Variants in MYBL2 observed in about 807,000 individuals in gnomAD.
MYBL2 encodes the protein myb-related protein B.
MYBL2 carries 28 observed loss-of-function variants against 79.9 expected under a neutral mutation model. The ratio of observed to expected loss-of-function variants is 0.35; its 90% CI spans 0.26 to 0.48. The LOEUF is 0.48. MYBL2 is among the 20% of genes least tolerant of loss of function. The pLI is 0.99. For synonymous variants in MYBL2, 378 were observed against 361.2 expected (o/e 1.05, Z -0.53); for missense variants, 735 against 893.9 (o/e 0.82, Z 2.27).
At chr20:43,681,256 G>A (rs903183336) in intron 2 of MYBL2, among the ~76,000 whole-genome samples, 3 of 152,020 alleles carry the variant, frequency 2.0e-5, no homozygotes, top group East Asian at 1.9e-4. Context: ...ATGTCCGCTC[G>A]GCTCCCTTCC....
At chr20:43,670,866 C>T (rs1256166406) in intron 1 of MYBL2, among the ~76,000 whole-genome samples, 1 of 152,172 alleles carries the variant, frequency 6.6e-6, no homozygotes, top group Non-Finnish European at 1.5e-5. Context: ...ACCTGACCAA[C>T]GTGACCTGAT....
intron 1 of MYBL2, chr20:43,673,589 A>T: frequency 1.6e-6 from 1 of 625,400 alleles, no homozygotes; most frequent in Admixed American, 2.1e-5. Flanking sequence ...GTGAGCTACG[A>T]TCATGCCACA....
chr20:43,716,137 G>A lies in MYBL2; in HGVS notation c.*50G>A. On this transcript the variant is annotated 3_prime_UTR_variant, in exon 14 of 14. Coordinates refer to ENST00000217026, the MANE Select transcript of MYBL2 (RefSeq NM_002466.4). ...TTCTCATGTTTACAGGGGTTGTGGG[G>A]GCAGAGGGGGTCTGTGAATCTGAGA... 1 of 1,594,456 alleles carries A rather than the reference G, an allele frequency of 6.3e-7. No homozygotes were observed. Among genetic ancestry groups the A allele is most frequent in the South Asian group, 1.1e-5 (1 of 90,152 alleles).
At chr20:43,693,349 A>T (rs969285348) in intron 6 of MYBL2, among the ~76,000 whole-genome samples, 9 of 151,794 alleles carry the variant, frequency 5.9e-5, no homozygotes, top group Non-Finnish European at 1.3e-4. Context: ...TGCAGTTTTT[A>T]TTTATTTATT....
rs1447072789 is a variant in MYBL2 at position 43,699,813 on chromosome 20, C to G, written c.720C>G (p.Asn240Lys). Reference sequence around the variant, plus strand: ...CTCCTACCATAAAGGAGGAGGAAAACAGTGAGGAGGAACTTGCAGCAGCCA... The same window carrying G: ...CTCCTACCATAAAGGAGGAGGAAAAGAGTGAGGAGGAACTTGCAGCAGCCA... ...SVPPTIKEEE[N>K]SEEELAAATT... The change falls in exon 7 of 14, where the codon AAC becomes AAG. Residue 240 changes from asparagine to lysine, a missense_variant. Physicochemically the swap from Asn to Lys is moderately conservative, Grantham distance 94. This residue lies in a region of MYBL2 where 144 missense variants were observed against 131.9 expected (regional missense o/e 1.09). Coordinates refer to ENST00000217026, the MANE Select transcript of MYBL2 (RefSeq NM_002466.4). The G allele has an allele frequency of 5.6e-6, 9 of 1,614,038 alleles. No individual in the cohort carries two copies.
At chr20:43,695,965 C>A (rs117695549) in intron 6 of MYBL2, among the ~76,000 whole-genome samples, 2,116 of 152,006 alleles carry the variant, frequency 0.014, 28 homozygotes, top group Middle Eastern at 0.037. Context: ...TTGCAGTGAG[C>A]CGAGTTCGCA....
intron 1 of MYBL2, among the ~76,000 whole-genome samples, chr20:43,671,237 C>T (rs1361150570): frequency 2.6e-5 from 4 of 152,068 alleles, no homozygotes; most frequent in African/African-American, 9.7e-5. Context: ...CTCACTGCAA[C>T]CTCCGCCTCC....
chr20:43,715,408 GTTCC>G (rs1988009416), intron 13 of MYBL2, 125 bp downstream of exon 13: 1 of 1,467,392 alleles, frequency 6.8e-7, no homozygotes, highest in African/African-American at 1.4e-5. Flanking sequence ...TGCATAGGCT[GTTCC>G]TCTGCCTGGG....
rs536340986 is a variant in MYBL2 at position 43,685,827 on chromosome 20, C to T, written c.280-1025C>T. Among the ~76,000 whole-genome samples the T allele has an allele frequency of 3.1e-4, 47 of 151,980 alleles. 1 individual carries two copies. Among genetic ancestry groups the T allele is most frequent in the Admixed American group, 5.9e-4 (9 of 15,262 alleles). Reference sequence around the variant, plus strand: ...CCAAGTCGGGCGGATCACCTGAGGTCGGGAGTTCAAGACCAGCCTTATCAA... The same window carrying T: ...CCAAGTCGGGCGGATCACCTGAGGTTGGGAGTTCAAGACCAGCCTTATCAA... On this transcript the variant is annotated intron_variant, in intron 4 of 13. Coordinates refer to ENST00000217026, the MANE Select transcript of MYBL2 (RefSeq NM_002466.4).
At chr20:43,710,641 G>C (rs150541759) in intron 10 of MYBL2, among the ~76,000 whole-genome samples, 2 of 152,204 alleles carry the variant, frequency 1.3e-5, no homozygotes, top group Non-Finnish European at 2.9e-5. Context: ...TGGTTGTGGA[G>C]GCACTGGACT....
intron 5 of MYBL2, among the ~76,000 whole-genome samples, chr20:43,687,485 A>G (rs1039959720): frequency 2.4e-4 from 36 of 152,346 alleles, no homozygotes; most frequent in African/African-American, 8.7e-4. Flanking sequence ...TAATCTGCTA[A>G]AAGGTGTTTT....
chr20:43,668,762 A>G (rs1211536102), intron 1 of MYBL2, among the ~76,000 whole-genome samples: 1 of 146,260 alleles, frequency 6.8e-6, no homozygotes, highest in Non-Finnish European at 1.5e-5. Context: ...GTCATAGCTC[A>G]CTGTAGCCCC....
intron 6 of MYBL2, among the ~76,000 whole-genome samples, chr20:43,697,010 C>A (rs1321748600): frequency 6.6e-6 from 1 of 152,292 alleles, no homozygotes; most frequent in Admixed American, 6.5e-5. Flanking sequence ...CAGGCGTGAG[C>A]CACTGCGCCC....
chr20:43,698,464 A>G (rs184811153), intron 6 of MYBL2, among the ~76,000 whole-genome samples: 48 of 135,902 alleles, frequency 3.5e-4, no homozygotes, highest in African/African-American at 1.3e-3. Flanking sequence ...TGCAAGCTCC[A>G]TCTTCCGGGT....
At chr20:43,676,681 G>A (rs1031930848) in intron 2 of MYBL2, among the ~76,000 whole-genome samples, 1 of 152,182 alleles carries the variant, frequency 6.6e-6, no homozygotes, top group Non-Finnish European at 1.5e-5. Context: ...GGGAAGATAG[G>A]TATGGTCATG....
chr20:43,669,257 C>G (rs1035832373), intron 1 of MYBL2, among the ~76,000 whole-genome samples: 1 of 152,330 alleles, frequency 6.6e-6, no homozygotes, highest in African/African-American at 2.4e-5. Flanking sequence ...CCCCACTTGG[C>G]CTCCCAAAGT....
At chr20:43,708,707 T>C (rs1424399519) in intron 9 of MYBL2, among the ~76,000 whole-genome samples, 1 of 152,196 alleles carries the variant, frequency 6.6e-6, no homozygotes, top group East Asian at 1.9e-4. Flanking sequence ...GTGTTAGGAT[T>C]ACAGGCGTGA....
chr20:43,698,184 T>TATAAAGGTATAATTTACATACA lies in MYBL2; in HGVS notation c.664-1567_664-1546dup, dbSNP rs1987594769. On this transcript the variant is annotated intron_variant, in intron 6 of 13. Transcript: ENST00000217026. ...GTTTGGTAGCTTTTTTTCTTTATTT[T>TATAAAGGTATAATTTACATACA]ATAAAGGTATAATTTACATACAATA... Among the ~76,000 whole-genome samples, 5 of 151,376 alleles carry TATAAAGGTATAATTTACATACA rather than the reference T, an allele frequency of 3.3e-5. No homozygotes were observed. In the South Asian group the frequency reaches 1.0e-3, roughly 31 times the overall value.
chr20:43,713,809 G>A (rs1472359125), intron 12 of MYBL2, among the ~76,000 whole-genome samples: 1 of 152,232 alleles, frequency 6.6e-6, no homozygotes, highest in Non-Finnish European at 1.5e-5. Context: ...ACCTCAGAAA[G>A]GGGGTTGTTG....
Sources: gnomAD v4.1 joint callset for allele counts (sites outside exome capture counted in the v4.1 genomes callset) on GRCh38, gnomAD v4.1.1 for gene constraint, gnomAD v4.1.1 regional missense constraint, MANE v1.5 for transcripts, NCBI Gene and HGNC (gene_info 2026-07-23, HGNC 2026-07-21) for gene names.